The following RARB variants were observed in gnomAD, a reference collection of about 807,000 sequenced individuals.
RARB encodes retinoic acid receptor beta.
A neutral mutation model predicts 51.9 loss-of-function variants in RARB; 17 were observed. That is an observed-to-expected ratio of 0.33 (90% CI 0.22 to 0.49). The LOEUF is 0.49. RARB is among the 20% of genes least tolerant of loss of function. The pLI is 0.99. For missense variants in RARB, 369 were observed against 550.8 expected (o/e 0.67, Z 3.30); for synonymous variants, 215 against 195.4 (o/e 1.10, Z -0.84).
At chr3:24,874,227 GAA>G (rs1469540990) in intron 2 of RARB, among the ~76,000 whole-genome samples, 2 of 151,946 alleles carry the variant, frequency 1.3e-5, no homozygotes, top group Non-Finnish European at 2.9e-5. Context: ...CTGATTCTTT[GAA>G]ATTGGTTGAG....
intron 3 of RARB, among the ~76,000 whole-genome samples, chr3:25,105,422 C>CA (rs755388268): frequency 0.024 from 1,227 of 51,740 alleles, 15 homozygotes; most frequent in African/African-American, 0.037. Context: ...TATACATGTG[C>CA]AAAAAAAAAA....
chr3:25,236,799 T>A (rs902017245), intron 5 of RARB, among the ~76,000 whole-genome samples: 1 of 151,960 alleles, frequency 6.6e-6, no homozygotes, highest in Non-Finnish European at 1.5e-5. Flanking sequence ...TGCAATACAT[T>A]TTATTAAGAG....
intron 2 of RARB, among the ~76,000 whole-genome samples, chr3:24,951,116 C>T (rs755727961): frequency 1.3e-5 from 2 of 152,096 alleles, no homozygotes; most frequent in Non-Finnish European, 2.9e-5. Context: ...TTTATGATGA[C>T]AGGGCAGGGA....
intron 2 of RARB, among the ~76,000 whole-genome samples, chr3:25,499,131 G>T (rs1433073324): frequency 6.6e-6 from 1 of 152,084 alleles, no homozygotes; most frequent in Non-Finnish European, 1.5e-5. Context: ...AAAATCCTAG[G>T]GTGCCCACGT....
At chr3:25,569,182 A>G (rs1314235416) in intron 3 of RARB, among the ~76,000 whole-genome samples, 1 of 152,278 alleles carries the variant, frequency 6.6e-6, no homozygotes, top group Non-Finnish European at 1.5e-5. Context: ...ATTCCAAAAC[A>G]GATAATATGG....
intron 2 of RARB, among the ~76,000 whole-genome samples, chr3:24,991,742 G>C (rs2125435132): frequency 6.6e-6 from 1 of 151,040 alleles, no homozygotes; most frequent in Middle Eastern, 3.5e-3. Flanking sequence ...TGCTGCATCT[G>C]CTGAGCCATA....
chr3:24,952,006 T>C (rs1166734620), intron 2 of RARB, among the ~76,000 whole-genome samples: 2 of 152,252 alleles, frequency 1.3e-5, no homozygotes, highest in Non-Finnish European at 2.9e-5. Flanking sequence ...CAAGTGATTA[T>C]TGCAATCTTT....
At chr3:25,101,192 A>T (rs777456887) in intron 3 of RARB, among the ~76,000 whole-genome samples, 13 of 152,160 alleles carry the variant, frequency 8.5e-5, no homozygotes, top group Admixed American at 3.3e-4. Flanking sequence ...TGGTTGCTAG[A>T]GGCTTCATCT....
chr3:25,196,896 C>T (rs147288729), intron 5 of RARB, among the ~76,000 whole-genome samples: 1,742 of 152,008 alleles, frequency 0.011, 28 homozygotes, highest in African/African-American at 0.04. Context: ...TCATATCCTT[C>T]GCCCACTTTT....
At chr3:25,308,052 T>C (rs1704195267) in intron 5 of RARB, among the ~76,000 whole-genome samples, 1 of 152,210 alleles carries the variant, frequency 6.6e-6, no homozygotes, top group African/African-American at 2.4e-5. Flanking sequence ...CCTCTGAAAC[T>C]GTCCCCTAAA....
chr3:25,117,197 G>A (rs929823021), intron 3 of RARB, among the ~76,000 whole-genome samples: 1 of 152,118 alleles, frequency 6.6e-6, no homozygotes, highest in Non-Finnish European at 1.5e-5. Flanking sequence ...AGAACAAACT[G>A]TTCAATAAGT....
intron 2 of RARB, among the ~76,000 whole-genome samples, chr3:24,900,689 G>T (rs910675676): frequency 1.3e-5 from 2 of 152,144 alleles, no homozygotes; most frequent in African/African-American, 4.8e-5. Flanking sequence ...TTTTTCTAAA[G>T]ATGGGATGAG....
At chr3:25,233,601 A>G (rs1702234278) in intron 5 of RARB, among the ~76,000 whole-genome samples, 1 of 152,182 alleles carries the variant, frequency 6.6e-6, no homozygotes, top group African/African-American at 2.4e-5. Flanking sequence ...GAGAACAGAC[A>G]TACTTGTCCT....
At chr3:25,026,515 A>G (rs755908750) in intron 2 of RARB, among the ~76,000 whole-genome samples, 13 of 152,192 alleles carry the variant, frequency 8.5e-5, no homozygotes, top group African/African-American at 2.4e-4. Context: ...CTCTTTGGGC[A>G]TCCAAATTTC....
intron 2 of RARB, among the ~76,000 whole-genome samples, chr3:24,925,635 G>A (rs893119251): frequency 1.3e-4 from 16 of 123,624 alleles, no homozygotes; most frequent in Non-Finnish European, 1.9e-4. Flanking sequence ...GACAGAGCCA[G>A]ATCCTGTCTT....
intron 2 of RARB, among the ~76,000 whole-genome samples, chr3:24,920,322 A>C (rs991979037): frequency 1.7e-4 from 26 of 152,310 alleles, no homozygotes; most frequent in African/African-American, 6.3e-4. Flanking sequence ...TTAATATATA[A>C]TGGAAAGATG....
At position 24,975,179 on chromosome 3, in the gene RARB, T is replaced by C. The variant is rs114502124; in HGVS notation, c.-379-84946T>C. The stretch of plus-strand genomic sequence containing the variant: ...CTGTATCATGAATATCGTTTATCTA[T>C]TGAAATTAAATCCTGGCTGTCATGG... On this transcript the variant is annotated intron_variant, in intron 2 of 11. Coordinates refer to the RARB transcript ENST00000383772. 3.8e-3 allele frequency among the ~76,000 whole-genome samples: 574 copies of C among 152,308 alleles called. 4 individuals are homozygous for C. Among genetic ancestry groups the C allele is most frequent in the African/African-American group, 0.013 (550 of 41,586 alleles).
At chr3:24,847,607 G>T (rs1340928585) in intron 1 of RARB, among the ~76,000 whole-genome samples, 1 of 152,182 alleles carries the variant, frequency 6.6e-6, no homozygotes, top group East Asian at 1.9e-4. Flanking sequence ...ATAAAATAGG[G>T]TGACCAGCTG....
At chr3:25,436,809 A>G (rs1229906076) in intron 1 of RARB, among the ~76,000 whole-genome samples, 1 of 152,188 alleles carries the variant, frequency 6.6e-6, no homozygotes, top group African/African-American at 2.4e-5. Context: ...CTCCCTTTCC[A>G]AGAGTTTTAC....
Sources: allele counts gnomAD v4.1 joint callset (sites outside exome capture counted in the v4.1 genomes callset), GRCh38; gene constraint gnomAD v4.1.1; transcripts MANE v1.5; gene names NCBI Gene and HGNC (gene_info 2026-07-23, HGNC 2026-07-21).